Variants in NRG1 observed in about 807,000 individuals in gnomAD.
The protein encoded by NRG1 is pro-neuregulin-1, membrane-bound isoform.
NRG1 carries 18 observed loss-of-function variants against 63.8 expected under a neutral mutation model. The observed-to-expected ratio is 0.28, with a 90% CI of 0.19 to 0.42. The LOEUF is 0.42. Ranked by LOEUF, NRG1 falls within the 10% of genes least tolerant of loss-of-function variation. The pLI, the probability that NRG1 is intolerant of heterozygous loss-of-function variation, is 1.00. For synonymous variants in NRG1, 302 were observed against 301.3 expected, an observed-to-expected ratio of 1.00 and a Z score of -0.02; for missense variants, 762 against 814.7, an observed-to-expected ratio of 0.94 and a Z score of 0.79.
At chr8:32,433,424 T>A (rs1038975172) in intron 1 of NRG1, among the ~76,000 whole-genome samples, 1 of 152,146 alleles carries the variant, frequency 6.6e-6, no homozygotes, top group Non-Finnish European at 1.5e-5. Flanking sequence ...ACCGAGCTAA[T>A]TGTGGACTTC....
chr8:32,016,252 G>A (rs1815519003), intron 1 of NRG1, among the ~76,000 whole-genome samples: 1 of 151,864 alleles, frequency 6.6e-6, no homozygotes, highest in African/African-American at 2.4e-5. Context: ...TTGTAGAGAT[G>A]GGGTCTTGCT....
chr8:31,714,440 T>G (rs1812147926), intron 1 of NRG1, among the ~76,000 whole-genome samples: 1 of 152,156 alleles, frequency 6.6e-6, no homozygotes, highest in Non-Finnish European at 1.5e-5. Flanking sequence ...CACATTTACT[T>G]TTTTTCCTCC....
intron 1 of NRG1, among the ~76,000 whole-genome samples, chr8:31,778,261 T>G (rs1205519756): frequency 1.3e-5 from 2 of 152,196 alleles, no homozygotes; most frequent in Non-Finnish European, 2.9e-5. Context: ...CCCTACGGCT[T>G]CCTGTCGTAC....
At chr8:32,506,491 A>G (rs948735044) in intron 1 of NRG1, among the ~76,000 whole-genome samples, 1 of 152,228 alleles carries the variant, frequency 6.6e-6, no homozygotes, top group Non-Finnish European at 1.5e-5. Flanking sequence ...TCCTTATGAC[A>G]AACAACACAA....
chr8:31,801,809 A>G (rs1276771479), intron 1 of NRG1, among the ~76,000 whole-genome samples: 1 of 152,240 alleles, frequency 6.6e-6, no homozygotes, highest in African/African-American at 2.4e-5. Context: ...AAGTTCTTAT[A>G]AAAGTCCTGA....
chr8:32,328,534 A>G (rs1802279605), intron 1 of NRG1, among the ~76,000 whole-genome samples: 1 of 152,060 alleles, frequency 6.6e-6, no homozygotes, highest in Non-Finnish European at 1.5e-5. Context: ...CAGGCCATTT[A>G]AAATGACATC....
At chr8:32,756,649 G>T in intron 9 of NRG1, 120 bp downstream of exon 9, 1 of 1,368,158 alleles carries the variant, frequency 7.3e-7, no homozygotes, top group Non-Finnish European at 9.7e-7. Flanking sequence ...ATGGCTTCCA[G>T]GAATCCAGGT....
rs1406776072 is a variant in NRG1, at chr8:32,412,428, A to ATATATATATATG, written c.38-183389_38-183388insGTATATATATAT. The stretch of plus-strand genomic sequence containing the variant: ...TCTCTCTCTCTCTCTCTCTACATAT[A>ATATATATATATG]TATATATATATATATATATATATAC... On this transcript the variant is annotated intron_variant, in intron 1 of 10. Transcript: ENST00000519301. Among the ~76,000 whole-genome samples, 89 of 40,822 alleles carry ATATATATATATG rather than the reference A, an allele frequency of 2.2e-3. 3 individuals are homozygous for ATATATATATATG. Among genetic ancestry groups the ATATATATATATG allele is most frequent in the African/African-American group, 5.7e-3 (84 of 14,738 alleles). 26.8% of individuals were successfully genotyped at this position (40,822 alleles called of 152,430 possible).
intron 1 of NRG1, among the ~76,000 whole-genome samples, chr8:31,977,314 T>G (rs61449847): frequency 6.6e-6 from 1 of 152,166 alleles, no homozygotes; most frequent in Non-Finnish European, 1.5e-5. Context: ...CCTTCTCTTT[T>G]GTTTGTGGTA....
At chr8:32,439,695 G>A (rs1819269388) in intron 1 of NRG1, among the ~76,000 whole-genome samples, 2 of 151,458 alleles carry the variant, frequency 1.3e-5, no homozygotes, top group African/African-American at 4.9e-5. Context: ...ATTATGTCTT[G>A]AGTTTATAAT....
intron 1 of NRG1, among the ~76,000 whole-genome samples, chr8:32,307,546 C>T (rs1009286622): frequency 1.3e-5 from 2 of 151,528 alleles, no homozygotes; most frequent in Admixed American, 6.6e-5. Context: ...GGTTAGGAAT[C>T]ATTTCCCACC....
chr8:32,495,039 G>A (rs16879483), intron 1 of NRG1, among the ~76,000 whole-genome samples: 1,994 of 152,298 alleles, frequency 0.013, 37 homozygotes, highest in African/African-American at 0.046. Context: ...TTCCTTCTGT[G>A]ATTCTGATGT....
chr8:31,928,615 G>A (rs78337334), intron 1 of NRG1, among the ~76,000 whole-genome samples: 2,180 of 146,110 alleles, frequency 0.015, 36 homozygotes, highest in South Asian at 0.09. Context: ...GTGCATGTGT[G>A]TGTGTGTATA....
intron 9 of NRG1, among the ~76,000 whole-genome samples, chr8:32,756,870 T>C (rs1285156772): frequency 1.3e-5 from 2 of 152,170 alleles, no homozygotes; most frequent in Non-Finnish European, 2.9e-5. Context: ...TTTTCATATA[T>C]AACTTGGAAA....
At chr8:31,986,667 G>T (rs767018120) in intron 1 of NRG1, among the ~76,000 whole-genome samples, 2 of 152,052 alleles carry the variant, frequency 1.3e-5, no homozygotes. Context: ...AGTTTTGTAC[G>T]AATTGGCCAG....
exon 1 of NRG1, chr8:32,548,543 C>CCGCCGCGTCCG (rs1375125322): frequency 7.2e-6 from 9 of 1,254,162 alleles, no homozygotes; most frequent in Non-Finnish European, 8.0e-6. Context: ...GCCGGACCGC[C>CCGCCGCGTCCG]CGCCGCGTCC....
chr8:31,788,899 CAAT>C (rs377352471), intron 1 of NRG1, among the ~76,000 whole-genome samples: 1 of 152,252 alleles, frequency 6.6e-6, no homozygotes, highest in East Asian at 1.9e-4. Flanking sequence ...GGCAGTATAA[CAAT>C]AAATATGTGG....
chr8:32,176,145 A>T (rs569337892), intron 1 of NRG1, among the ~76,000 whole-genome samples: 1 of 152,366 alleles, frequency 6.6e-6, no homozygotes, highest in East Asian at 1.9e-4. Flanking sequence ...GACCAATGGA[A>T]CAGAACAGAG....
chr8:31,947,013 G>A (rs574989727), intron 1 of NRG1, among the ~76,000 whole-genome samples: 2 of 152,100 alleles, frequency 1.3e-5, no homozygotes, highest in Non-Finnish European at 2.9e-5. Flanking sequence ...AGAAAAGAAT[G>A]GATATGGCCG....
Sources: gnomAD v4.1 joint callset for allele counts (sites outside exome capture counted in the v4.1 genomes callset) on GRCh38, gnomAD v4.1.1 for gene constraint, MANE v1.5 for transcripts, NCBI Gene and HGNC (gene_info 2026-07-23, HGNC 2026-07-21) for gene names.